ATXN7: variants seen among roughly 807,000 people sequenced by gnomAD.
ATXN7 encodes the protein ataxin-7.
ATXN7 carries 12 observed loss-of-function variants against 70.5 expected under a neutral mutation model. The ratio of observed to expected loss-of-function variants is 0.17; its 90% confidence interval spans 0.11 to 0.28. The LOEUF is 0.28. Ranked by LOEUF, ATXN7 falls within the 10% of genes least tolerant of loss-of-function variation. ATXN7 has a pLI of 1.00. For missense variants in ATXN7, 1,256 were observed against 1,131.7 expected (o/e 1.11, Z -1.58); for synonymous variants, 498 against 448.7 (o/e 1.11, Z -1.39).
At chr3:63,988,824 G>C (rs2075619800) in intron 9 of ATXN7, among the ~76,000 whole-genome samples, 1 of 152,194 alleles carries the variant, frequency 6.6e-6, no homozygotes, top group South Asian at 2.1e-4. Flanking sequence ...GTAAACAGTG[G>C]ATCAGAGTGT....
At chr3:63,946,442 A>G (rs111472947) in intron 4 of ATXN7, among the ~76,000 whole-genome samples, 3,099 of 152,208 alleles carry the variant, frequency 0.02, 110 homozygotes, top group African/African-American at 0.068. Flanking sequence ...GATTGAGACC[A>G]TCCTGGCTAA....
intron 2 of ATXN7, among the ~76,000 whole-genome samples, chr3:63,899,988 G>A (rs760850485): frequency 2.0e-5 from 3 of 152,172 alleles, no homozygotes; most frequent in Non-Finnish European, 2.9e-5. Flanking sequence ...GGAGGCTGCA[G>A]CAGGAGGATG....
At chr3:63,875,797 C>T (rs1256029009) in intron 1 of ATXN7, among the ~76,000 whole-genome samples, 3 of 152,144 alleles carry the variant, frequency 2.0e-5, no homozygotes, top group African/African-American at 2.4e-5. Context: ...GGTCTCCAGA[C>T]AGTTTTCTGT....
intron 1 of ATXN7, among the ~76,000 whole-genome samples, chr3:63,888,762 G>A (rs544078783): frequency 5.3e-5 from 8 of 152,106 alleles, no homozygotes; most frequent in East Asian, 1.9e-4. Context: ...GCGACAGAGC[G>A]AGACTCCGTA....
chr3:63,997,686 A>C, intron 12 of ATXN7: 2 of 1,552,014 alleles, frequency 1.3e-6, no homozygotes, highest in Non-Finnish European at 1.7e-6. Flanking sequence ...CTGACTTAAA[A>C]TGTGAGGCTC....
chr3:63,912,708 A>AGCAGCAGCAGCAGCC lies in ATXN7; in HGVS notation c.118_119insAGCAGCCGCAGCAGC (p.Gln39_Pro40insGlnGlnProGlnGln), dbSNP rs1704088237. ...CGGCAGCAGCAGCAGCAGCAGCAGCAGCAGCAGCCGCCGCCTCCGCAGCCC... is the reference window on the plus strand; with the variant it reads ...CGGCAGCAGCAGCAGCAGCAGCAGCAGCAGCAGCAGCAGCCGCAGCAGCCGCCGCCTCCGCAGCCC... On this transcript the variant is annotated inframe_insertion, in exon 3 of 13. Transcript: ENST00000674280. The AGCAGCAGCAGCAGCC allele has an allele frequency of 1.4e-5, 17 of 1,197,590 alleles. No homozygotes were observed. The South Asian group carries it at 2.3e-4, about 16-fold the overall frequency. 74.2% of individuals were successfully genotyped at this position (1,197,590 alleles called of 1,614,324 possible). A position where few individuals can be genotyped will look rare whatever the true frequency, so the allele number is the denominator to read the frequency against.
intron 11 of ATXN7, among the ~76,000 whole-genome samples, chr3:63,993,815 C>T (rs1423975095): frequency 1.3e-5 from 2 of 152,108 alleles, no homozygotes; most frequent in African/African-American, 4.8e-5. Flanking sequence ...CATGAGAAGC[C>T]ACTGCTCCCA....
chr3:63,878,629 A>C (rs1454720693), intron 1 of ATXN7: 1 of 152,176 alleles, frequency 6.6e-6, no homozygotes, highest in African/African-American at 2.4e-5. Flanking sequence ...TGAAAGAATT[A>C]TTTTCAGAAG....
At chr3:63,972,031 A>G (rs1455051260) in intron 5 of ATXN7, among the ~76,000 whole-genome samples, 2 of 151,390 alleles carry the variant, frequency 1.3e-5, no homozygotes, top group South Asian at 2.1e-4. Context: ...TGAAAGACAC[A>G]TGATGCCAAT....
chr3:63,970,716 A>G (rs527434400), intron 5 of ATXN7, among the ~76,000 whole-genome samples: 14 of 152,246 alleles, frequency 9.2e-5, no homozygotes, highest in Middle Eastern at 6.8e-3. Context: ...TAGCAACATT[A>G]TTTACAATCC....
intron 4 of ATXN7, among the ~76,000 whole-genome samples, chr3:63,927,576 CAAT>C (rs1243340705): frequency 6.6e-6 from 1 of 152,124 alleles, no homozygotes; most frequent in African/African-American, 2.4e-5. Flanking sequence ...GATTGAGTAA[CAAT>C]AAGCCGTGAA....
At chr3:63,996,901 T>C in intron 12 of ATXN7, among the ~76,000 whole-genome samples, 1 of 152,210 alleles carries the variant, frequency 6.6e-6, no homozygotes, top group East Asian at 1.9e-4. Context: ...AGTGGTTCTT[T>C]AGTATGTTCC....
chr3:63,993,916 C>T (rs2075712913), intron 11 of ATXN7, among the ~76,000 whole-genome samples: 1 of 152,166 alleles, frequency 6.6e-6, no homozygotes. Context: ...GCTTCTGATG[C>T]ATCATTCTAG....
At chr3:63,910,787 A>C (rs951894131) in intron 2 of ATXN7, among the ~76,000 whole-genome samples, 1 of 152,098 alleles carries the variant, frequency 6.6e-6, no homozygotes, top group Non-Finnish European at 1.5e-5. Context: ...TCCAGGAAAA[A>C]ATTTTACAGA....
At chr3:63,896,346 G>C (rs551126251) in intron 1 of ATXN7, among the ~76,000 whole-genome samples, 88 of 148,282 alleles carry the variant, frequency 5.9e-4, no homozygotes, top group Admixed American at 3.6e-3. Context: ...ATGAATAAAA[G>C]GTATCAAGTT....
In ATXN7 at chr3:63,949,097, G is replaced by A. The variant is rs114074889; in HGVS notation, c.395-3282G>A. The stretch of plus-strand genomic sequence containing the variant: ...AGATCCCTATTTTAATTTGCAGACG[G>A]GTTGATTGTGAATTTATGCTTTAAA... On this transcript the variant is annotated intron_variant, in intron 4 of 12. Coordinates refer to ENST00000674280, the MANE Select transcript of ATXN7 (RefSeq NM_001377405.1). Among the ~76,000 whole-genome samples, 1,169 of 152,066 alleles carry A rather than the reference G, an allele frequency of 7.7e-3. 18 individuals are homozygous for A. Among genetic ancestry groups the A allele is most frequent in the African/African-American group, 0.025 (1,036 of 41,476 alleles).
intron 4 of ATXN7, among the ~76,000 whole-genome samples, chr3:63,933,318 A>G (rs913883871): frequency 1.3e-5 from 2 of 152,268 alleles, no homozygotes; most frequent in South Asian, 2.1e-4. Flanking sequence ...TCCTGTAGAA[A>G]CTTAGAGCCC....
At chr3:63,949,489 C>T (rs2074919123) in intron 4 of ATXN7, among the ~76,000 whole-genome samples, 1 of 152,138 alleles carries the variant, frequency 6.6e-6, no homozygotes, top group African/African-American at 2.4e-5. Flanking sequence ...ACCTCCACCT[C>T]CCAGGTTCAA....
At chr3:63,899,969 AG>A (rs1703574627) in intron 2 of ATXN7, among the ~76,000 whole-genome samples, 6 of 152,286 alleles carry the variant, frequency 3.9e-5, no homozygotes, top group African/African-American at 1.4e-4. Context: ...GTATAGTCCC[AG>A]CTACTCAGGA....
Sources: gnomAD v4.1 joint callset for allele counts (sites outside exome capture counted in the v4.1 genomes callset) on GRCh38, gnomAD v4.1.1 for gene constraint, MANE v1.5 for transcripts, NCBI Gene and HGNC (gene_info 2026-07-23, HGNC 2026-07-21) for gene names.